The following NEBL variants were observed in gnomAD, a reference collection of about 807,000 sequenced individuals.
NEBL encodes LIM and SH3 protein 2.
Under a neutral mutation model 140.2 loss-of-function variants are expected in NEBL, and 122 were observed. The ratio of observed to expected loss-of-function variants is 0.87; its 90% CI spans 0.75 to 1.01. The LOEUF (loss-of-function observed/expected upper bound fraction) is 1.01. Ranked by LOEUF, NEBL falls within the 50% of genes least tolerant of loss-of-function variation. The pLI is 0.00. For missense variants in NEBL, 1,365 were observed against 1,231.3 expected (o/e 1.11, Z -1.62); for synonymous variants, 436 against 398.9 (o/e 1.09, Z -1.11).
At chr10:21,275,716 C>T (rs1842913139) in intron 1 of NEBL, among the ~76,000 whole-genome samples, 1 of 150,160 alleles carries the variant, frequency 6.7e-6, no homozygotes, top group African/African-American at 2.5e-5. Flanking sequence ...TCTTGGCTCA[C>T]CGCAACCTCT....
chr10:21,233,673 T>C (rs1430522629), intron 3 of NEBL, among the ~76,000 whole-genome samples: 1 of 144,954 alleles, frequency 6.9e-6, no homozygotes, highest in East Asian at 2.0e-4. Flanking sequence ...TATATATCTA[T>C]ATATGTATAT....
Position 20,780,368 on chromosome 10 carries a change from T to C in NEBL, c.*5379A>G, listed in dbSNP as rs939558387. 6.6e-6 allele frequency: 1 copy of C among 152,210 alleles called. No homozygotes were observed. Among genetic ancestry groups the C allele is most frequent in the African/African-American group, 2.4e-5 (1 of 41,438 alleles). The allele number at this position is 152,210 out of a possible 1,614,324, so 9.4% of individuals were successfully genotyped here. A position where few individuals can be genotyped will look rare whatever the true frequency, so the allele number is the denominator to read the frequency against. On this transcript the variant is annotated 3_prime_UTR_variant, in exon 28 of 28. Coordinates refer to ENST00000377122, the MANE Select transcript of NEBL (RefSeq NM_006393.3). ...GAAATAAATTAACTACAATGATGCA[T>C]TGTTGCGGTACTTTGATATAAAATC...
rs1343886179 is a variant in NEBL at position 20,970,167 on chromosome 10, T to C, written c.250-8388A>G. ...GCATAGTAATGAGTGTTTTACATTA[T>C]TGTGTGAGCAGAGCGAGGATGGGAA... On this transcript the variant is annotated intron_variant, in intron 3 of 6. Transcript: ENST00000417816. Among the ~76,000 whole-genome samples the C allele has an allele frequency of 4.6e-5, 7 of 152,160 alleles. No homozygotes were observed. In the East Asian group the frequency reaches 5.8e-4, roughly 13 times the overall value.
At chr10:21,056,380 G>T (rs1473726924) in intron 2 of NEBL, among the ~76,000 whole-genome samples, 1 of 150,340 alleles carries the variant, frequency 6.7e-6, no homozygotes, top group Non-Finnish European at 1.5e-5. Context: ...TACTAAATTT[G>T]CGCAAAGTTC....
intron 3 of NEBL, among the ~76,000 whole-genome samples, chr10:21,246,991 G>A (rs536937289): frequency 2.0e-4 from 31 of 152,198 alleles, no homozygotes; most frequent in South Asian, 4.2e-4. Flanking sequence ...TGCTGTTCTC[G>A]TGATAGTGAG....
chr10:21,013,954 G>T (rs1317250237), intron 3 of NEBL, among the ~76,000 whole-genome samples: 1 of 151,986 alleles, frequency 6.6e-6, no homozygotes, highest in Non-Finnish European at 1.5e-5. Context: ...TTGGAAATGG[G>T]ATCCGGAGCT....
intron 26 of NEBL, 115 bp downstream of exon 26, chr10:20,808,395 C>T: frequency 9.5e-7 from 1 of 1,053,914 alleles, no homozygotes; most frequent in Admixed American, 2.3e-5. Context: ...ATTTTAAATT[C>T]TCAAATACAG....
intron 2 of NEBL, chr10:21,029,372 G>A (rs1365607266): frequency 6.8e-6 from 11 of 1,611,570 alleles, no homozygotes; most frequent in Admixed American, 1.7e-5. Flanking sequence ...AGTGCAGTGC[G>A]TTTACCACGT....
chr10:21,064,315 T>A (rs1835434976), intron 2 of NEBL, among the ~76,000 whole-genome samples: 1 of 152,230 alleles, frequency 6.6e-6, no homozygotes, highest in African/African-American at 2.4e-5. Flanking sequence ...TTTATAATGT[T>A]TTAGGATTTC....
At chr10:21,235,023 G>A (rs1842329733) in intron 3 of NEBL, among the ~76,000 whole-genome samples, 1 of 152,186 alleles carries the variant, frequency 6.6e-6, no homozygotes, top group Admixed American at 6.6e-5. Context: ...AGCCAGGCGT[G>A]GTGGCACTCG....
chr10:21,274,873 T>C (rs1842900692), intron 1 of NEBL, among the ~76,000 whole-genome samples: 1 of 152,150 alleles, frequency 6.6e-6, no homozygotes, highest in Non-Finnish European at 1.5e-5. Flanking sequence ...ATATTGACTA[T>C]TCATTGAGTG....
At chr10:21,152,335 A>G (rs1336691839) in intron 2 of NEBL, among the ~76,000 whole-genome samples, 2 of 152,208 alleles carry the variant, frequency 1.3e-5, no homozygotes, top group Non-Finnish European at 2.9e-5. Flanking sequence ...AGTCCCAAGA[A>G]TTCCAAAGGC....
At chr10:20,826,373 TA>T in intron 18 of NEBL, 73 bp downstream of exon 18, 1 of 1,157,996 alleles carries the variant, frequency 8.6e-7, no homozygotes. Context: ...ATCAGTTGAG[TA>T]AAGAACTAAA....
chr10:21,257,824 G>T (rs1016108937), intron 1 of NEBL, among the ~76,000 whole-genome samples: 1 of 151,922 alleles, frequency 6.6e-6, no homozygotes, highest in African/African-American at 2.4e-5. Flanking sequence ...GGTGGAGCTT[G>T]CAGTGAGCCT....
At chr10:20,955,330 C>T (rs1835745006) in intron 4 of NEBL, among the ~76,000 whole-genome samples, 1 of 152,186 alleles carries the variant, frequency 6.6e-6, no homozygotes, top group Non-Finnish European at 1.5e-5. Context: ...ATGAGTGGTA[C>T]AAATGATAGT....
intron 2 of NEBL, among the ~76,000 whole-genome samples, chr10:21,039,250 T>C (rs1218557244): frequency 6.6e-6 from 1 of 152,174 alleles, no homozygotes; most frequent in Non-Finnish European, 1.5e-5. Flanking sequence ...TTTGTCAATT[T>C]TGGCTTTTGT....
At chr10:20,882,695 A>T (rs931412608) in intron 4 of NEBL, among the ~76,000 whole-genome samples, 1 of 152,134 alleles carries the variant, frequency 6.6e-6, no homozygotes, top group Non-Finnish European at 1.5e-5. Flanking sequence ...GATTAATGTG[A>T]TAAGTCGGAT....
chr10:21,285,666 A>C (rs953542034), intron 1 of NEBL, among the ~76,000 whole-genome samples: 3 of 152,184 alleles, frequency 2.0e-5, no homozygotes, highest in Non-Finnish European at 4.4e-5. Flanking sequence ...CCTGTCTTGA[A>C]TTTTTGGGCT....
At chr10:21,220,472 T>A (rs530613940) in intron 3 of NEBL, among the ~76,000 whole-genome samples, 31 of 152,190 alleles carry the variant, frequency 2.0e-4, no homozygotes, top group Non-Finnish European at 4.0e-4. Flanking sequence ...TGGACTTTTA[T>A]CTCCCACCAT....
Sources: gnomAD v4.1 joint callset for allele counts (sites outside exome capture counted in the v4.1 genomes callset) on GRCh38, gnomAD v4.1.1 for gene constraint, MANE v1.5 for transcripts, NCBI Gene and HGNC (gene_info 2026-07-23, HGNC 2026-07-21) for gene names.